The following NEK10 variants were observed in gnomAD, a reference collection of about 807,000 sequenced individuals.
NEK10 encodes serine/threonine-protein kinase Nek10.
Under a neutral mutation model 159.8 loss-of-function variants are expected in NEK10, and 122 were observed. The ratio of observed to expected loss-of-function variants is 0.76; its 90% confidence interval spans 0.66 to 0.89. NEK10 has a LOEUF of 0.89. NEK10 is among the 40% of genes least tolerant of loss of function. The pLI, the probability that NEK10 is intolerant of heterozygous loss-of-function variation, is 0.00. For synonymous variants in NEK10, 466 were observed against 457.1 expected (o/e 1.02, Z -0.25); for missense variants, 1,342 against 1,323.1 (o/e 1.01, Z -0.22).
chr3:27,222,330 G>A lies in NEK10; in HGVS notation c.2091-19773C>T, dbSNP rs529690314. ...AGAGGTGGCAGTGAGCCGAGATCAT[G>A]CCACTGCACTCCAGCCTGGGCGACA... On this transcript the variant is annotated intron_variant, in intron 23 of 35. Coordinates refer to ENST00000691995, the MANE Select transcript of NEK10 (RefSeq NM_001394966.1). Among the ~76,000 whole-genome samples, 6 of 152,308 alleles carry A rather than the reference G, an allele frequency of 3.9e-5. No individual in the cohort carries two copies. The East Asian group carries it at 9.7e-4, about 25-fold the overall frequency.
At chr3:27,347,381 A>G (rs1360137226) in intron 3 of NEK10, among the ~76,000 whole-genome samples, 3 of 151,936 alleles carry the variant, frequency 2.0e-5, no homozygotes, top group African/African-American at 7.3e-5. Flanking sequence ...ACATGCCTGT[A>G]ATCCCAGCTA....
At position 27,346,198 on chromosome 3, in the gene NEK10, C is replaced by G. The variant is rs762688380; in HGVS notation, c.151G>C (p.Asp51His). ...TTCGTCATGCTATTTTGGGCACTAT[C>G]GAAGTTAATGGCTGGAAGCTACAGA... is the stretch of plus-strand genomic sequence containing the variant. ...SKQQLPAINF[D>H]SAQNSMTKSE... The change falls in exon 4 of 36, where the codon GAT becomes CAT. Residue 51 changes from aspartate to histidine, a missense_variant. Transcript: ENST00000691995. The G allele has an allele frequency of 2.5e-6, 4 of 1,613,482 alleles. No homozygotes were observed. The highest frequency in any genetic ancestry group is 1.7e-5 in the Admixed American group (1 of 59,972).
intron 5 of NEK10, among the ~76,000 whole-genome samples, chr3:27,335,301 T>C (rs868425933): frequency 5.3e-5 from 8 of 150,586 alleles, no homozygotes; most frequent in African/African-American, 1.5e-4. Flanking sequence ...GAATGCACCA[T>C]TGCACTCCAG....
chr3:27,202,427 C>T lies in NEK10; in HGVS notation c.2220+1G>A, dbSNP rs751889278. 6.2e-7 allele frequency: 1 copy of T among 1,607,074 alleles called. No homozygotes were observed. The highest frequency in any genetic ancestry group is 2.2e-5 in the East Asian group (1 of 44,650). On this transcript the variant is annotated splice_donor_variant, in intron 24 of 35. Transcript: ENST00000691995. LOFTEE classifies it high-confidence loss of function. ...CCCTTCTGTCTCCCAGCGTTGCTTACTTTTGTAGCCAAGGACAGCATGTTA... is the reference window on the plus strand; with the variant it reads ...CCCTTCTGTCTCCCAGCGTTGCTTATTTTTGTAGCCAAGGACAGCATGTTA...
chr3:27,262,227 G>A (rs1406170643), intron 22 of NEK10, among the ~76,000 whole-genome samples: 1 of 152,136 alleles, frequency 6.6e-6, no homozygotes, highest in African/African-American at 2.4e-5. Flanking sequence ...GTTTCCCTTT[G>A]TGGGTAACCT....
chr3:27,134,077 G>T (rs560442818), intron 31 of NEK10, among the ~76,000 whole-genome samples: 3 of 152,068 alleles, frequency 2.0e-5, no homozygotes, highest in African/African-American at 7.2e-5. Context: ...AGAGAGGAAG[G>T]GGGGTGCAGG....
chr3:27,294,624 C>T (rs2043219885), intron 15 of NEK10, among the ~76,000 whole-genome samples: 2 of 152,144 alleles, frequency 1.3e-5, no homozygotes, highest in Admixed American at 1.3e-4. Context: ...TGCACCTTCC[C>T]GTTGGTAGCG....
At chr3:27,322,727 T>C (rs1400915985) in intron 5 of NEK10, among the ~76,000 whole-genome samples, 1 of 152,218 alleles carries the variant, frequency 6.6e-6, no homozygotes, top group African/African-American at 2.4e-5. Flanking sequence ...GGGAATCAGT[T>C]TGGACTTCAC....
intron 26 of NEK10, among the ~76,000 whole-genome samples, chr3:27,186,689 G>T (rs1948652543): frequency 6.6e-6 from 1 of 152,158 alleles, no homozygotes; most frequent in African/African-American, 2.4e-5. Context: ...GCTAACTGTG[G>T]TATACTTTGT....
chr3:27,119,517 C>T (rs953043169), intron 33 of NEK10, among the ~76,000 whole-genome samples: 7 of 152,044 alleles, frequency 4.6e-5, no homozygotes, highest in African/African-American at 1.7e-4. Flanking sequence ...TACAACTCAC[C>T]CACACAGATT....
intron 27 of NEK10, 48 bp from the exon 28 acceptor site, chr3:27,174,573 G>A (rs771157774): frequency 6.2e-7 from 1 of 1,601,732 alleles, no homozygotes; most frequent in Non-Finnish European, 8.5e-7. Flanking sequence ...CTTGAAACAG[G>A]AAGGAGTCCA....
chr3:27,329,172 T>C (rs2046221900), intron 5 of NEK10, among the ~76,000 whole-genome samples: 1 of 152,232 alleles, frequency 6.6e-6, no homozygotes, highest in Admixed American at 6.5e-5. Flanking sequence ...AAGCTCTTTT[T>C]GCCTGCTGCC....
At chr3:27,263,485 G>A (rs1202711389) in intron 22 of NEK10, among the ~76,000 whole-genome samples, 1 of 152,198 alleles carries the variant, frequency 6.6e-6, no homozygotes, top group Non-Finnish European at 1.5e-5. Flanking sequence ...CTTCCCGGCT[G>A]CTTTGTTTAC....
At chr3:27,325,878 C>T (rs9861596) in intron 5 of NEK10, among the ~76,000 whole-genome samples, 7,415 of 152,272 alleles carry the variant, frequency 0.049, 328 homozygotes, top group African/African-American at 0.12. Context: ...CTATGCTGCC[C>T]ACCACAGTTG....
intron 23 of NEK10, among the ~76,000 whole-genome samples, chr3:27,222,659 G>C (rs1029709674): frequency 6.6e-6 from 1 of 151,892 alleles, no homozygotes; most frequent in Middle Eastern, 3.2e-3. Context: ...TCACAAAGAG[G>C]TATTACTACC....
At chr3:27,162,047 T>A (rs909742366) in intron 30 of NEK10, among the ~76,000 whole-genome samples, 2 of 151,782 alleles carry the variant, frequency 1.3e-5, no homozygotes, top group African/African-American at 4.8e-5. Context: ...AAGTAAAAGA[T>A]AATTATTTGT....
At chr3:27,229,790 G>A (rs1200263966) in intron 23 of NEK10, among the ~76,000 whole-genome samples, 1 of 151,944 alleles carries the variant, frequency 6.6e-6, no homozygotes, top group Non-Finnish European at 1.5e-5. Context: ...CCAAAGAAAA[G>A]GCTTTCAAAT....
At position 27,171,053 on chromosome 3, in the gene NEK10, A is replaced by T. The variant is rs977379837; in HGVS notation, c.2831+766T>A. ...GCTCATTCTCCCAGCTCATTTCTCA[A>T]CTTCTTAAATGCCTCCTATCTCTGC... On this transcript the variant is annotated intron_variant, in intron 29 of 35. Coordinates refer to ENST00000691995, the MANE Select transcript of NEK10 (RefSeq NM_001394966.1). Among the ~76,000 whole-genome samples, 5 of 151,898 alleles carry T rather than the reference A, an allele frequency of 3.3e-5. No homozygotes were observed. The South Asian group carries it at 1.0e-3, about 32-fold the overall frequency.
intron 30 of NEK10, among the ~76,000 whole-genome samples, chr3:27,154,784 C>G (rs887941360): frequency 6.6e-6 from 1 of 152,150 alleles, no homozygotes; most frequent in African/African-American, 2.4e-5. Context: ...AATTGGCATA[C>G]AAGGGACATA....
Sources: allele counts gnomAD v4.1 joint callset (sites outside exome capture counted in the v4.1 genomes callset), GRCh38; gene constraint gnomAD v4.1.1; transcripts MANE v1.5; gene names NCBI Gene and HGNC (gene_info 2026-07-23, HGNC 2026-07-21).